MAP1A: variants seen among roughly 807,000 people sequenced by gnomAD.
The protein encoded by MAP1A is microtubule associated protein 1A.
MAP1A carries 42 observed loss-of-function variants against 185.9 expected under a neutral mutation model. The observed-to-expected ratio is 0.23, with a 90% CI of 0.18 to 0.29. The LOEUF is 0.29. Ranked by LOEUF, MAP1A falls within the 10% of genes least tolerant of loss-of-function variation. MAP1A has a pLI of 1.00. For synonymous variants in MAP1A, 1,229 were observed against 1,335.9 expected (o/e 0.92, Z 1.74); for missense variants, 2,995 against 3,450.4 (o/e 0.87, Z 3.31).
rs766523356 is a variant in MAP1A, at chr15:43,528,990, C to T, written c.7517C>T (p.Ser2506Leu). The T allele has an allele frequency of 6.2e-6, 10 of 1,613,560 alleles. No homozygotes were observed. In the South Asian group the frequency reaches 8.8e-5, roughly 14 times the overall value. Residue 2506 changes from serine (S) to leucine (L), a missense_variant, in exon 4 of 6, where the codon TCA (serine) becomes TTA (leucine). Physicochemically the swap from Ser to Leu is moderately radical, Grantham distance 145 (BLOSUM62 -2). Around this residue, in one of 3 missense-constraint regions of MAP1A, gnomAD observed 2,728 missense variants for 2,986.0 expected, o/e 0.91. Coordinates refer to ENST00000300231, the MANE Select transcript of MAP1A (RefSeq NM_002373.6). ...DETPPTSASD[S>L]GSSQSDSDVP... ...ACACCCCCTACATCAGCCAGTGACTCAGGCTCCTCACAGTCAGATTCTGAT... is the reference window on the plus strand; with the variant it reads ...ACACCCCCTACATCAGCCAGTGACTTAGGCTCCTCACAGTCAGATTCTGAT...
chr15:43,521,986 C>T lies in MAP1A; in HGVS notation c.513C>T (p.Ile171=). Residue 171 remains isoleucine, a synonymous_variant, in exon 4 of 6, where the codon ATC becomes ATT. Transcript: ENST00000300231. The surrounding 1 kb of genome is among the most constrained non-coding windows in gnomAD (Gnocchi z 4.6). ...TGCAGCACTTAAACCGCCTGGGCATCCAGGCTGAGCCTCTATATCGTGTGG... is the reference window on the plus strand; with the variant it reads ...TGCAGCACTTAAACCGCCTGGGCATTCAGGCTGAGCCTCTATATCGTGTGG... ...LTLQHLNRLG[I]QAEPLYRVVS... is the part of the protein sequence containing the mutation. The T allele has an allele frequency of 6.2e-7, 1 of 1,614,228 alleles. No homozygotes were observed. The highest frequency in any genetic ancestry group is 8.5e-7 in the Non-Finnish European group (1 of 1,180,044).
intron 1 of MAP1A, among the ~76,000 whole-genome samples, chr15:43,520,199 G>C (rs2079313904): frequency 1.3e-5 from 2 of 152,286 alleles, no homozygotes; most frequent in South Asian, 4.2e-4. Context: ...CACTCTGCGG[G>C]CAGGAAAGCC....
Position 43,531,139 on chromosome 15 carries a change from G to A in MAP1A, c.*915G>A, listed in dbSNP as rs1316740545. ...CCAACATTTGACACCCCAGCAATGT[G>A]TGACTCCCCCAACATTCCACTATGC... is the stretch of plus-strand genomic sequence containing the variant. On this transcript the variant is annotated 3_prime_UTR_variant, in exon 6 of 6. Coordinates refer to ENST00000300231, the MANE Select transcript of MAP1A (RefSeq NM_002373.6). The A allele has an allele frequency of 6.5e-6, 1 of 152,728 alleles. No homozygotes were observed. The highest frequency in any genetic ancestry group is 1.5e-5 in the Non-Finnish European group (1 of 68,132). 9.5% of individuals were successfully genotyped at this position (152,728 alleles called of 1,614,324 possible). A position where few individuals can be genotyped will look rare whatever the true frequency, so the allele number is the denominator to read the frequency against.
chr15:43,513,726 A>T (rs961542586), upstream of MAP1A, among the ~76,000 whole-genome samples: 2 of 152,172 alleles, frequency 1.3e-5, no homozygotes, highest in Non-Finnish European at 2.9e-5. Flanking sequence ...AAAGCAGGCT[A>T]CTCACTCTTT....
At position 43,522,970 on chromosome 15, in the gene MAP1A, T is replaced by G. The variant is rs1254607490; in HGVS notation, c.1497T>G (p.Ser499=). The G allele has an allele frequency of 1.2e-6, 2 of 1,614,160 alleles. No individual in the cohort carries two copies. The highest frequency in any genetic ancestry group is 1.7e-6 in the Non-Finnish European group (2 of 1,180,020). Reference sequence around the variant, plus strand: ...CTATCCGTGGGGAGAAGGAGCTGTCTTCTGAGCCCCAGACACCCCCAGCCC... The same window carrying G: ...CTATCCGTGGGGAGAAGGAGCTGTCGTCTGAGCCCCAGACACCCCCAGCCC... ...SRAIRGEKEL[S]SEPQTPPAQK... The change falls in exon 4 of 6, where the codon TCT becomes TCG. Residue 499 remains serine (S), a synonymous_variant. Coordinates refer to ENST00000300231, the MANE Select transcript of MAP1A (RefSeq NM_002373.6). The surrounding 1 kb of genome is among the most constrained non-coding windows in gnomAD (Gnocchi z 5.9).
rs1197365728 is a variant in MAP1A, at chr15:43,522,515, G to A, written c.1042G>A (p.Ala348Thr). 1 of 1,613,400 alleles carries A rather than the reference G, an allele frequency of 6.2e-7. No individual in the cohort carries two copies. Among genetic ancestry groups the A allele is most frequent in the African/African-American group, 1.3e-5 (1 of 74,876 alleles). Reference protein sequence around the residue: ...EEVVEEGAKEARSELAKELAK... With the variant: ...EEVVEEGAKETRSELAKELAK... ...GGTGGTAGAAGAGGGAGCCAAGGAG[G>A]CACGTTCAGAGCTGGCCAAGGAGTT... The change falls in exon 4 of 6, where the codon GCA (alanine) becomes ACA (threonine). Residue 348 changes from alanine (A) to threonine (T), a missense_variant. Physicochemically the swap from Ala to Thr is moderately conservative, Grantham distance 58 (BLOSUM62 0). Around this residue, in one of 3 missense-constraint regions of MAP1A, gnomAD observed 2,728 missense variants for 2,986.0 expected, o/e 0.91. Coordinates refer to ENST00000300231, the MANE Select transcript of MAP1A (RefSeq NM_002373.6). This position sits in a 1 kb window ranked among gnomAD's most constrained non-coding sequence, Gnocchi z 5.9.
In MAP1A at chr15:43,523,604, C is replaced by T; in HGVS notation, c.2131C>T (p.Pro711Ser). 2 of 1,614,096 alleles carry T rather than the reference C, an allele frequency of 1.2e-6. No homozygotes were observed. Among genetic ancestry groups the T allele is most frequent in the Non-Finnish European group, 1.7e-6 (2 of 1,180,010 alleles). Reference sequence around the variant, plus strand: ...GGAATTGGGACTCCAGGGCAAGGCCCCTGAGAAGGAGACCTCGTTATTCCT... The same window carrying T: ...GGAATTGGGACTCCAGGGCAAGGCCTCTGAGAAGGAGACCTCGTTATTCCT... ...GRELGLQGKA[P>S]EKETSLFLSS... is the part of the protein sequence containing the mutation. The change falls in exon 4 of 6, where the codon CCT (proline) becomes TCT (serine). Residue 711 changes from proline (P) to serine (S), a missense_variant. By Grantham distance (74) the Pro-to-Ser change is moderately conservative. Transcript: ENST00000300231.
rs115475138 is a variant in MAP1A at position 43,526,034 on chromosome 15, A to G, written c.4561A>G (p.Arg1521Gly). 565 of 1,613,696 alleles carry G rather than the reference A, an allele frequency of 3.5e-4. 3 individuals carry two copies. The African/African-American group carries it at 6.7e-3, about 19-fold the overall frequency. Residue 1521 changes from arginine to glycine, a missense_variant, in exon 4 of 6, where the codon AGA (arginine) becomes GGA (glycine). Coordinates refer to ENST00000300231, the MANE Select transcript of MAP1A (RefSeq NM_002373.6). This position sits in a 1 kb window ranked among gnomAD's most constrained non-coding sequence, Gnocchi z 4.7. ...PEDTVAEMKDRDLEQTDKAPE... is the reference protein window; with the variant it reads ...PEDTVAEMKDGDLEQTDKAPE... ...GGACACGGTCGCTGAAATGAAGGAC[A>G]GAGACCTAGAACAGACAGACAAAGC...
chr15:43,521,922 G>A lies in MAP1A; in HGVS notation c.449G>A (p.Arg150Gln), dbSNP rs780868083. The change falls in exon 4 of 6, where the codon CGG becomes CAG. Residue 150 changes from arginine to glutamine, a missense_variant. This residue lies in a region of MAP1A where 264 missense variants were observed against 435.3 expected (regional missense o/e 0.61). Transcript: ENST00000300231. This position sits in a 1 kb window ranked among gnomAD's most constrained non-coding sequence, Gnocchi z 4.6. ...PEKLRLPDASRKAKRSIEEAC... is the reference protein window; with the variant it reads ...PEKLRLPDASQKAKRSIEEAC... ...AAGCTGCGGCTTCCTGATGCCTCCC[G>A]GAAAGCCAAGCGTAGCATTGAGGAG... 8.1e-6 allele frequency: 13 copies of A among 1,613,998 alleles called. No homozygotes were observed. Among genetic ancestry groups the A allele is most frequent in the African/African-American group, 1.3e-5 (1 of 74,904 alleles).
rs753006350 is a variant in MAP1A, at chr15:43,521,091, C to T, written c.-172C>T. On this transcript the variant is annotated 5_prime_UTR_variant, in exon 3 of 6. Transcript: ENST00000300231. This position sits in a 1 kb window ranked among gnomAD's most constrained non-coding sequence, Gnocchi z 4.6. ...GCACCTACTCATATGAAAACTTTGC[C>T]CAGGTCCTTCACAACCCCGAGGTAA... 1 of 1,548,332 alleles carries T rather than the reference C, an allele frequency of 6.5e-7. No individual in the cohort carries two copies. The highest frequency in any genetic ancestry group is 2.0e-5 in the Admixed American group (1 of 50,950).
At position 43,528,622 on chromosome 15, in the gene MAP1A, G is replaced by C. The variant is rs545975960; in HGVS notation, c.7149G>C (p.Ala2383=). Residue 2383 remains alanine, a synonymous_variant, in exon 4 of 6, where the codon GCG becomes GCC. Transcript: ENST00000300231. ...APAKAENEEA[A]ACPAWERGAW... Reference sequence around the variant, plus strand: ...CCAAGGCTGAAAATGAAGAGGCTGCGGCTTGCCCTGCCTGGGAACGTGGGG... The same window carrying C: ...CCAAGGCTGAAAATGAAGAGGCTGCCGCTTGCCCTGCCTGGGAACGTGGGG... 5.0e-6 allele frequency: 8 copies of C among 1,613,376 alleles called. No individual in the cohort carries two copies. Among genetic ancestry groups the C allele is most frequent in the Non-Finnish European group, 6.8e-6 (8 of 1,179,930 alleles).
In MAP1A at chr15:43,530,186, C is replaced by G; in HGVS notation, c.8374C>G (p.Gln2792Glu). Residue 2792 changes from glutamine to glutamate, a missense_variant, in exon 6 of 6, where the codon CAG (glutamine) becomes GAG (glutamate). By Grantham distance (29) the Gln-to-Glu change is conservative. Coordinates refer to ENST00000300231, the MANE Select transcript of MAP1A (RefSeq NM_002373.6). Reference protein sequence around the residue: ...VLASSSTVVMQDESFPACKIE... With the variant: ...VLASSSTVVMEDESFPACKIE... ...GGCTAGCAGCAGCACCGTGGTGATG[C>G]AGGATGAGTCCTTCCCTGCCTGCAA... is the stretch of plus-strand genomic sequence containing the variant. 1 of 1,614,176 alleles carries G rather than the reference C, an allele frequency of 6.2e-7. No individual in the cohort carries two copies. Among genetic ancestry groups the G allele is most frequent in the Non-Finnish European group, 8.5e-7 (1 of 1,180,030 alleles).
chr15:43,523,639 G>T lies in MAP1A; in HGVS notation c.2166G>T (p.Leu722=). The T allele has an allele frequency of 6.2e-7, 1 of 1,614,030 alleles. No individual in the cohort carries two copies. Among genetic ancestry groups the T allele is most frequent in the South Asian group, 1.1e-5 (1 of 91,050 alleles). The part of the protein sequence containing the change: ...EKETSLFLSS[L]TTPAGATEHV... ...AGACCTCGTTATTCCTAAGCAGCCT[G>T]ACCACACCTGCAGGAGCCACTGAGC... Residue 722 remains leucine (L), a synonymous_variant, in exon 4 of 6, where the codon CTG becomes CTT. Coordinates refer to ENST00000300231, the MANE Select transcript of MAP1A (RefSeq NM_002373.6).
rs1247003915 is a variant in MAP1A at position 43,527,793 on chromosome 15, A to G, written c.6320A>G (p.Asp2107Gly). Residue 2107 changes from aspartate (D) to glycine (G), a missense_variant, in exon 4 of 6, where the codon GAC (aspartate) becomes GGC (glycine). Physicochemically the swap from Asp to Gly is moderately conservative, Grantham distance 94. Transcript: ENST00000300231. ...AGTCACTGGGATGACAGCACTAGTG[A>G]CTCAGAACTGGAGAAGGGGGCTCGG... The part of the protein sequence containing the change: ...GRSHWDDSTS[D>G]SELEKGAREQ... 4 of 1,613,590 alleles carry G rather than the reference A, an allele frequency of 2.5e-6. No homozygotes were observed. In the African/African-American group the frequency reaches 5.3e-5, roughly 22 times the overall value.
rs761940380 is a variant in MAP1A, at chr15:43,526,102, C to G, written c.4629C>G (p.Val1543=). ...AGGCCCAGGAACAAAAGGATAAAGT[C>G]TCAGAAAAGAAGGATCAGGCCTTAG... ...KHQAQEQKDK[V]SEKKDQALEQ... Residue 1543 remains valine (V), a synonymous_variant, in exon 4 of 6, where the codon GTC becomes GTG. Coordinates refer to ENST00000300231, the MANE Select transcript of MAP1A (RefSeq NM_002373.6). This position sits in a 1 kb window ranked among gnomAD's most constrained non-coding sequence, Gnocchi z 4.7. 1 of 1,614,070 alleles carries G rather than the reference C, an allele frequency of 6.2e-7. No homozygotes were observed. The highest frequency in any genetic ancestry group is 8.5e-7 in the Non-Finnish European group (1 of 1,180,038).
At chr15:43,518,603 TCA>T (rs2079307236) in intron 1 of MAP1A, among the ~76,000 whole-genome samples, 1 of 151,374 alleles carries the variant, frequency 6.6e-6, no homozygotes, top group Non-Finnish European at 1.5e-5. Context: ...GCGCGCACAC[TCA>T]CACACTGCGG....
Position 43,528,602 on chromosome 15 carries a change from G to A in MAP1A, c.7129G>A (p.Ala2377Thr), listed in dbSNP as rs768406726. The A allele has an allele frequency of 6.2e-7, 1 of 1,614,030 alleles. No individual in the cohort carries two copies. Among genetic ancestry groups the A allele is most frequent in the Non-Finnish European group, 8.5e-7 (1 of 1,180,014 alleles). The change falls in exon 4 of 6, where the codon GCT (alanine) becomes ACT (threonine). Residue 2377 changes from alanine (A) to threonine (T), a missense_variant. By Grantham distance (58) the Ala-to-Thr change is moderately conservative (BLOSUM62 0). Transcript: ENST00000300231. ...PNPPGPAPAK[A>T]ENEEAAACPA... ...CCCCCCAGGCCCTGCCCCAGCCAAG[G>A]CTGAAAATGAAGAGGCTGCGGCTTG...
rs2079359363 is a variant in MAP1A, at chr15:43,528,969, C to T, written c.7496C>T (p.Pro2499Leu). The change falls in exon 4 of 6, where the codon CCC (proline) becomes CTC (leucine). Residue 2499 changes from proline to leucine, a missense_variant. Transcript: ENST00000300231. ...CCATGCCCTGTGACTGATGAGACAC[C>T]CCCTACATCAGCCAGTGACTCAGGC... Reference protein sequence around the residue: ...GGPCPVTDETPPTSASDSGSS... With the variant: ...GGPCPVTDETLPTSASDSGSS... 2 of 1,613,208 alleles carry T rather than the reference C, an allele frequency of 1.2e-6. No homozygotes were observed. The highest frequency in any genetic ancestry group is 1.3e-5 in the African/African-American group (1 of 74,892).
At chr15:43,516,189 C>T (rs1555412003), upstream of MAP1A, among the ~76,000 whole-genome samples, 1 of 152,144 alleles carries the variant, frequency 6.6e-6, no homozygotes, top group Non-Finnish European at 1.5e-5. Flanking sequence ...CTGGTTTTCC[C>T]TGTGTATCTC....
Sources: allele counts gnomAD v4.1 joint callset (sites outside exome capture counted in the v4.1 genomes callset), GRCh38; gene constraint gnomAD v4.1.1; regional missense constraint gnomAD v4.1.1; non-coding constraint Gnocchi (gnomAD v3.1); transcripts MANE v1.5; gene names NCBI Gene and HGNC (gene_info 2026-07-23, HGNC 2026-07-21).